Variants in MIS18A observed in about 807,000 individuals in gnomAD.
The protein encoded by MIS18A is MIS18 kinetochore protein A.
In MIS18A, 14 loss-of-function variants were observed where a neutral mutation model predicts 25.0. That is an observed-to-expected ratio of 0.56 (90% CI 0.37 to 0.88). The LOEUF is 0.88. Ranked by LOEUF, MIS18A falls within the 40% of genes least tolerant of loss-of-function variation. The probability of loss-of-function intolerance (pLI) is 0.00; values close to 1 mark genes in which losing one functional copy is unlikely to be tolerated. For missense variants in MIS18A, 292 were observed against 290.8 expected, an observed-to-expected ratio of 1.00 and a Z score of -0.03; for synonymous variants, 134 against 118.6, an observed-to-expected ratio of 1.13 and a Z score of -0.84.
the MIS18A span, among the ~76,000 whole-genome samples, chr21:32,242,290 T>C: frequency 6.6e-6 from 1 of 152,258 alleles, no homozygotes; most frequent in Non-Finnish European, 1.5e-5. Context: ...GCCTGTCACT[T>C]TCCAAAGATG....
Position 32,270,519 on chromosome 21 carries a change from T to C in MIS18A, c.412A>G (p.Thr138Ala). The C allele has an allele frequency of 6.4e-7, 1 of 1,567,422 alleles. No homozygotes were observed. The change falls in exon 3 of 5, where the codon ACT becomes GCT. Residue 138 changes from threonine (T) to alanine (A), a missense_variant. By Grantham distance (58) the Thr-to-Ala change is moderately conservative. Transcript: ENST00000290130. ...REKENGCVLE[T>A]LCCAGCSLNL... ...AGTGAGCACCCCGCGCAGCACAAAG[T>C]CTCAAGGACGCTGCAATAAAGAAAT...
At chr21:32,234,947 T>G in the MIS18A span, among the ~76,000 whole-genome samples, 2 of 152,180 alleles carry the variant, frequency 1.3e-5, no homozygotes, top group African/African-American at 2.4e-5. Context: ...ATAACTTTCC[T>G]CAGTAAACAT....
chr21:32,262,945 G>T, the MIS18A span, among the ~76,000 whole-genome samples: 2 of 152,112 alleles, frequency 1.3e-5, no homozygotes, highest in Non-Finnish European at 2.9e-5. Context: ...CTATCCCAAA[G>T]AAACTACAAC....
chr21:32,250,980 G>T, the MIS18A span, among the ~76,000 whole-genome samples: 1 of 152,150 alleles, frequency 6.6e-6, no homozygotes, highest in Non-Finnish European at 1.5e-5. Flanking sequence ...TCTCATAATA[G>T]AGTGAGTTCT....
chr21:32,270,496 T>C lies in MIS18A; in HGVS notation c.435A>G (p.Ser145=), dbSNP rs1161738000. 6.2e-7 allele frequency: 1 copy of C among 1,607,290 alleles called. No homozygotes were observed. Among genetic ancestry groups the C allele is most frequent in the Non-Finnish European group, 8.5e-7 (1 of 1,177,476 alleles). The change falls in exon 3 of 5, where the codon TCA becomes TCG. Residue 145 remains serine (S), a synonymous_variant. Transcript: ENST00000290130. ...ATCTGTACACGTAGCCAAGATTGAG[T>C]GAGCACCCCGCGCAGCACAAAGTCT... ...VLETLCCAGC[S]LNLGYVYRCT...
chr21:32,191,092 T>C, the MIS18A span, among the ~76,000 whole-genome samples: 5 of 152,334 alleles, frequency 3.3e-5, no homozygotes, highest in African/African-American at 1.2e-4. Flanking sequence ...GCCGTAGCCA[T>C]CTCTTGTTCA....
intron 1 of MIS18A, among the ~76,000 whole-genome samples, chr21:32,277,186 T>C (rs1489784564): frequency 6.6e-6 from 1 of 152,188 alleles, no homozygotes; most frequent in Non-Finnish European, 1.5e-5. Flanking sequence ...AATCAAAAAA[T>C]GTATAGTTCT....
chr21:32,211,944 C>A, the MIS18A span, among the ~76,000 whole-genome samples: 2 of 152,198 alleles, frequency 1.3e-5, no homozygotes, highest in Admixed American at 6.5e-5. Flanking sequence ...CAGGCCCATA[C>A]CCTATCTCTC....
chr21:32,161,759 T>G, the MIS18A span, among the ~76,000 whole-genome samples: 1 of 146,418 alleles, frequency 6.8e-6, no homozygotes, highest in Non-Finnish European at 1.5e-5. Context: ...CCCAAAGTGC[T>G]GGGATTACAG....
At chr21:32,241,386 A>AC in the MIS18A span, among the ~76,000 whole-genome samples, 14 of 151,636 alleles carry the variant, frequency 9.2e-5, no homozygotes, top group African/African-American at 3.4e-4. Flanking sequence ...AAAAAAAAAA[A>AC]CTCAAGAAAG....
chr21:32,249,754 C>G, the MIS18A span, among the ~76,000 whole-genome samples: 1 of 152,130 alleles, frequency 6.6e-6, no homozygotes, highest in Non-Finnish European at 1.5e-5. Context: ...AACCAGCTCT[C>G]CAGTGAACTA....
chr21:32,232,835 A>G, the MIS18A span, among the ~76,000 whole-genome samples: 1 of 152,198 alleles, frequency 6.6e-6, no homozygotes, highest in South Asian at 2.1e-4. Context: ...GACCTAATGT[A>G]CAACATGAGG....
the MIS18A span, among the ~76,000 whole-genome samples, chr21:32,207,329 T>A: frequency 0.025 from 3,798 of 152,230 alleles, 159 homozygotes; most frequent in African/African-American, 0.085. Flanking sequence ...AAAAGAAGGA[T>A]GAGGGGAGAC....
chr21:32,223,283 GA>G, the MIS18A span, among the ~76,000 whole-genome samples: 3 of 151,708 alleles, frequency 2.0e-5, no homozygotes, highest in African/African-American at 7.3e-5. Flanking sequence ...GATCAGAGCA[GA>G]ACTGAAGGAG....
At chr21:32,177,114 C>T in the MIS18A span, among the ~76,000 whole-genome samples, 1 of 152,096 alleles carries the variant, frequency 6.6e-6, no homozygotes, top group African/African-American at 2.4e-5. Context: ...CCTTCGTGAT[C>T]AAGTGGGTTT....
chr21:32,223,211 A>C, the MIS18A span, among the ~76,000 whole-genome samples: 2 of 152,138 alleles, frequency 1.3e-5, no homozygotes, highest in Non-Finnish European at 2.9e-5. Flanking sequence ...ATCATGATTA[A>C]AAGAACTAGA....
the MIS18A span, among the ~76,000 whole-genome samples, chr21:32,218,050 G>A: frequency 2.0e-5 from 3 of 151,730 alleles, no homozygotes; most frequent in Middle Eastern, 3.4e-3. Context: ...AAAATTAGCC[G>A]GGCATGGTGT....
the MIS18A span, among the ~76,000 whole-genome samples, chr21:32,217,385 A>T: frequency 6.6e-6 from 1 of 152,218 alleles, no homozygotes; most frequent in Non-Finnish European, 1.5e-5. Flanking sequence ...TTGAGCTGGC[A>T]GAAGAAAGAA....
the MIS18A span, among the ~76,000 whole-genome samples, chr21:32,186,411 T>C: frequency 6.6e-6 from 1 of 152,220 alleles, no homozygotes; most frequent in African/African-American, 2.4e-5. Context: ...TTCTTCTCCC[T>C]AGTACCCTAG....
Sources: allele counts gnomAD v4.1 joint callset (sites outside exome capture counted in the v4.1 genomes callset), GRCh38; gene constraint gnomAD v4.1.1; transcripts MANE v1.5; gene names NCBI Gene and HGNC (gene_info 2026-07-23, HGNC 2026-07-21).